NRG3: variants seen among roughly 807,000 people sequenced by gnomAD.
NRG3 encodes neuregulin 3.
NRG3 carries 31 observed loss-of-function variants against 66.9 expected under a neutral mutation model. The ratio of observed to expected loss-of-function variants is 0.46; its 90% CI spans 0.35 to 0.63. The LOEUF (loss-of-function observed/expected upper bound fraction) is 0.63. Among genes scored for constraint, NRG3 ranks in the 20% least tolerant of loss-of-function variants. The pLI, the probability that NRG3 is intolerant of heterozygous loss-of-function variation, is 0.00. For missense variants in NRG3, 910 were observed against 878.9 expected (o/e 1.04, Z -0.45); for synonymous variants, 393 against 359.4 (o/e 1.09, Z -1.06).
intron 4 of NRG3, among the ~76,000 whole-genome samples, chr10:82,929,267 T>C (rs1847320621): frequency 6.6e-6 from 1 of 152,188 alleles, no homozygotes; most frequent in Admixed American, 6.5e-5. Flanking sequence ...TCTTCTGCTT[T>C]GACAACTGTC....
intron 1 of NRG3, among the ~76,000 whole-genome samples, chr10:82,254,818 A>G (rs1259567340): frequency 6.6e-6 from 1 of 152,238 alleles, no homozygotes; most frequent in African/African-American, 2.4e-5. Context: ...AAAGTATAAG[A>G]CAAATGTTGA....
At chr10:82,452,351 T>A (rs2091055882) in intron 2 of NRG3, among the ~76,000 whole-genome samples, 2 of 152,230 alleles carry the variant, frequency 1.3e-5, no homozygotes, top group South Asian at 4.1e-4. Flanking sequence ...CATCCTCATT[T>A]TCAGAACTCC....
intron 1 of NRG3, among the ~76,000 whole-genome samples, chr10:81,989,067 T>C (rs570328769): frequency 3.3e-4 from 50 of 152,194 alleles, no homozygotes; most frequent in African/African-American, 1.2e-3. Flanking sequence ...AGAGGTAGAA[T>C]TAATCAAATA....
In NRG3 at chr10:82,770,507, T is replaced by C. The variant is rs965704790; in HGVS notation, c.1027+31857T>C. On this transcript the variant is annotated intron_variant, in intron 3 of 8. Coordinates refer to ENST00000372141, the MANE Select transcript of NRG3 (RefSeq NM_001010848.4). ...ACGGACATCCTAGTTTGTACCAGAATATGTCTCCCTCAGGAGGTGGCTTGG... is the reference window on the plus strand; with the variant it reads ...ACGGACATCCTAGTTTGTACCAGAACATGTCTCCCTCAGGAGGTGGCTTGG... Among the ~76,000 whole-genome samples the C allele has an allele frequency of 2.6e-5, 4 of 152,108 alleles. No homozygotes were observed. The South Asian group carries it at 8.3e-4, about 32-fold the overall frequency.
chr10:82,122,272 C>G (rs549991542), intron 1 of NRG3, among the ~76,000 whole-genome samples: 4 of 152,252 alleles, frequency 2.6e-5, no homozygotes, highest in South Asian at 4.1e-4. Context: ...GGGCACTGAT[C>G]TTCTTCATAG....
At chr10:81,885,994 A>T (rs1406172052) in intron 1 of NRG3, among the ~76,000 whole-genome samples, 2 of 152,062 alleles carry the variant, frequency 1.3e-5, no homozygotes, top group Non-Finnish European at 2.9e-5. Flanking sequence ...CTGTTTCTGG[A>T]TTAAAAAACT....
chr10:82,093,090 G>A (rs1024194), intron 1 of NRG3, among the ~76,000 whole-genome samples: 124,382 of 152,134 alleles, frequency 0.82, 50,966 homozygotes, highest in East Asian at 0.89. Flanking sequence ...AGATTTATTA[G>A]TAGCCTTCCA....
chr10:82,128,345 A>G (rs2068589505), intron 1 of NRG3, among the ~76,000 whole-genome samples: 1 of 152,034 alleles, frequency 6.6e-6, no homozygotes, highest in Non-Finnish European at 1.5e-5. Flanking sequence ...TCACCTTAAA[A>G]ATGTTTTTAA....
chr10:82,978,517 A>G (rs1157123309), intron 7 of NRG3, among the ~76,000 whole-genome samples: 1 of 152,218 alleles, frequency 6.6e-6, no homozygotes, highest in East Asian at 1.9e-4. Flanking sequence ...TTTTTTCCCC[A>G]TATCCCTTCT....
At chr10:82,612,968 A>G (rs541666237) in intron 2 of NRG3, among the ~76,000 whole-genome samples, 1 of 152,342 alleles carries the variant, frequency 6.6e-6, no homozygotes, top group East Asian at 1.9e-4. Flanking sequence ...TTTGTTTTCT[A>G]AAGTCAATGT....
At chr10:82,422,575 A>G (rs1208188731) in intron 2 of NRG3, among the ~76,000 whole-genome samples, 1 of 152,064 alleles carries the variant, frequency 6.6e-6, no homozygotes, top group Non-Finnish European at 1.5e-5. Flanking sequence ...GAGCCAGAGA[A>G]ATTGCAAGCA....
Position 82,858,783 on chromosome 10 carries a change from T to A in NRG3, c.1028-6628T>A, listed in dbSNP as rs193108965. On this transcript the variant is annotated intron_variant, in intron 3 of 8. Coordinates refer to ENST00000372141, the MANE Select transcript of NRG3 (RefSeq NM_001010848.4). ...TATTTCCCAGAGCAGGTACCTTATA[T>A]CGGTAGTCCCACTGGGGGCTCCATG... Among the ~76,000 whole-genome samples the A allele has an allele frequency of 2.4e-4, 37 of 152,296 alleles. No homozygotes were observed. In the East Asian group the frequency reaches 3.5e-3, roughly 14 times the overall value.
At chr10:82,219,899 A>G (rs2075856810) in intron 1 of NRG3, among the ~76,000 whole-genome samples, 1 of 152,114 alleles carries the variant, frequency 6.6e-6, no homozygotes, top group Admixed American at 6.6e-5. Context: ...ATCACGATAC[A>G]GGGAGAAAAA....
At chr10:82,845,963 G>A (rs1464206542) in intron 3 of NRG3, among the ~76,000 whole-genome samples, 1 of 152,036 alleles carries the variant, frequency 6.6e-6, no homozygotes. Context: ...CATAGAATTT[G>A]CATTTTTATC....
intron 1 of NRG3, among the ~76,000 whole-genome samples, chr10:82,249,887 C>T (rs1413414429): frequency 6.6e-6 from 1 of 152,192 alleles, no homozygotes; most frequent in Non-Finnish European, 1.5e-5. Flanking sequence ...AGTGTGGTAA[C>T]CTTATCAGCA....
intron 5 of NRG3, among the ~76,000 whole-genome samples, chr10:82,953,700 G>C (rs561033804): frequency 6.6e-6 from 1 of 151,788 alleles, no homozygotes; most frequent in Non-Finnish European, 1.5e-5. Flanking sequence ...GGCCAGACGC[G>C]GTGACTCATG....
intron 4 of NRG3, among the ~76,000 whole-genome samples, chr10:82,900,685 G>T (rs933806704): frequency 2.2e-4 from 34 of 152,052 alleles, no homozygotes; most frequent in African/African-American, 8.0e-4. Flanking sequence ...TTGGTATAAT[G>T]ATCCCCATTT....
intron 1 of NRG3, among the ~76,000 whole-genome samples, chr10:81,978,758 G>C (rs1380490902): frequency 2.0e-5 from 3 of 151,798 alleles, no homozygotes; most frequent in African/African-American, 7.3e-5. Context: ...GTCTTGCTGT[G>C]TTGCCTAGGT....
intron 2 of NRG3, among the ~76,000 whole-genome samples, chr10:82,385,826 A>G (rs2085945258): frequency 6.6e-6 from 1 of 152,190 alleles, no homozygotes; most frequent in Non-Finnish European, 1.5e-5. Flanking sequence ...GGTATAGTGA[A>G]AAAGAAAAAT....
Sources: allele counts gnomAD v4.1 joint callset (sites outside exome capture counted in the v4.1 genomes callset), GRCh38; gene constraint gnomAD v4.1.1; transcripts MANE v1.5; gene names NCBI Gene and HGNC (gene_info 2026-07-23, HGNC 2026-07-21).